Variants in PTPN4 observed in about 807,000 individuals in gnomAD.
PTPN4 encodes protein tyrosine phosphatase non-receptor type 4.
In PTPN4, 49 loss-of-function variants were observed where a neutral mutation model predicts 135.5. That is an observed-to-expected ratio of 0.36 (90% CI 0.29 to 0.46). The LOEUF is 0.46. Among genes scored for constraint, PTPN4 ranks in the 20% least tolerant of loss-of-function variants. PTPN4 has a pLI of 1.00. For synonymous variants in PTPN4, 333 were observed against 369.9 expected (o/e 0.90, Z 1.14); for missense variants, 860 against 1,101.0 (o/e 0.78, Z 3.10).
rs755003772 is a variant in PTPN4 at position 119,932,512 on chromosome 2, A to C, written c.1159A>C (p.Ser387Arg). Residue 387 changes from serine (S) to arginine (R), a missense_variant, in exon 14 of 27, where the codon AGT becomes CGT. Ser to Arg is a moderately radical substitution (Grantham distance 110). Coordinates refer to ENST00000263708, the MANE Select transcript of PTPN4 (RefSeq NM_002830.4). The stretch of plus-strand genomic sequence containing the variant: ...ATCTGATGACAGGTTAGAAACACAA[A>C]GTCTTCCATCACGATCTCCACCGGG... Reference protein sequence around the residue: ...SISDDRLETQSLPSRSPPGTP... With the variant: ...SISDDRLETQRLPSRSPPGTP... The C allele has an allele frequency of 6.2e-7, 1 of 1,612,308 alleles. No individual in the cohort carries two copies.
At chr2:119,958,205 T>C (rs1039323099) in intron 22 of PTPN4, among the ~76,000 whole-genome samples, 2 of 151,576 alleles carry the variant, frequency 1.3e-5, no homozygotes, top group African/African-American at 4.8e-5. Context: ...GTCATGGTGG[T>C]GCATGCCTGT....
chr2:119,833,674 C>T (rs532838140), intron 2 of PTPN4, among the ~76,000 whole-genome samples: 5 of 152,100 alleles, frequency 3.3e-5, no homozygotes, highest in African/African-American at 9.6e-5. Context: ...ATTTTCACCT[C>T]GGACTAATTT....
At chr2:119,942,054 CAATT>C (rs1048998351) in intron 15 of PTPN4, among the ~76,000 whole-genome samples, 1 of 152,136 alleles carries the variant, frequency 6.6e-6, no homozygotes, top group African/African-American at 2.4e-5. Context: ...TTGTTTAACT[CAATT>C]ATTTTTATAA....
chr2:119,777,200 T>G (rs1690851485), intron 1 of PTPN4, among the ~76,000 whole-genome samples: 1 of 152,212 alleles, frequency 6.6e-6, no homozygotes. Flanking sequence ...GTCTTCATGT[T>G]TGTTCTTCCT....
chr2:119,954,175 A>C (rs1679247408), intron 19 of PTPN4, among the ~76,000 whole-genome samples: 1 of 152,122 alleles, frequency 6.6e-6, no homozygotes, highest in African/African-American at 2.4e-5. Context: ...TTCATTTCAG[A>C]AATTTATTTT....
rs555091396 is a variant in PTPN4 at position 119,909,490 on chromosome 2, A to G, written c.765-5689A>G. Among the ~76,000 whole-genome samples, 11 of 152,290 alleles carry G rather than the reference A, an allele frequency of 7.2e-5. No individual in the cohort carries two copies. The South Asian group carries it at 2.3e-3, about 32-fold the overall frequency. ...GAATATTACTGCCCATTGACAATGA[A>G]TGCACCTTGCCACCCATGAGCTCTG... On this transcript the variant is annotated intron_variant, in intron 10 of 26. Coordinates refer to ENST00000263708, the MANE Select transcript of PTPN4 (RefSeq NM_002830.4).
chr2:119,805,881 A>G (rs1226761051), intron 1 of PTPN4, among the ~76,000 whole-genome samples: 2 of 152,104 alleles, frequency 1.3e-5, no homozygotes, highest in Admixed American at 6.6e-5. Flanking sequence ...CAGTATGGCC[A>G]TTTTCACGAT....
At chr2:119,776,463 C>T (rs1002503550) in intron 1 of PTPN4, among the ~76,000 whole-genome samples, 6 of 152,180 alleles carry the variant, frequency 3.9e-5, no homozygotes, top group Admixed American at 6.5e-5. Flanking sequence ...CGTAAGCCAC[C>T]GCACCTGGCC....
chr2:119,852,661 C>G (rs967352597), intron 2 of PTPN4, among the ~76,000 whole-genome samples: 11 of 151,830 alleles, frequency 7.2e-5, no homozygotes, highest in African/African-American at 2.2e-4. Context: ...CTGCTCTTTC[C>G]TGTATTCCCT....
At chr2:119,833,908 G>C (rs926795798) in intron 2 of PTPN4, among the ~76,000 whole-genome samples, 2 of 152,120 alleles carry the variant, frequency 1.3e-5, no homozygotes, top group African/African-American at 4.8e-5. Context: ...CTTTCACTGG[G>C]AAAGACTTAG....
intron 1 of PTPN4, among the ~76,000 whole-genome samples, chr2:119,779,346 G>A (rs1387375954): frequency 1.3e-5 from 2 of 152,154 alleles, no homozygotes; most frequent in African/African-American, 4.8e-5. Flanking sequence ...GGCTGGGCGC[G>A]GTGGCTCACG....
chr2:119,790,118 A>G (rs2104934700), intron 1 of PTPN4, among the ~76,000 whole-genome samples: 1 of 152,168 alleles, frequency 6.6e-6, no homozygotes, highest in Admixed American at 6.6e-5. Flanking sequence ...ATGATTTTTT[A>G]TGGCCCTAAT....
At chr2:119,847,289 C>A (rs986313235) in intron 2 of PTPN4, among the ~76,000 whole-genome samples, 1 of 90,882 alleles carries the variant, frequency 1.1e-5, no homozygotes, top group African/African-American at 4.8e-5. Flanking sequence ...CACACACACA[C>A]ACACACACAC....
chr2:119,767,495 A>G (rs1206902182), intron 1 of PTPN4, among the ~76,000 whole-genome samples: 2 of 152,198 alleles, frequency 1.3e-5, no homozygotes, highest in African/African-American at 2.4e-5. Flanking sequence ...TCGAACCTAG[A>G]TGCCATTCAA....
chr2:119,847,326 A>AT lies in PTPN4; in HGVS notation c.139-15209dup, dbSNP rs1303611735. Among the ~76,000 whole-genome samples, 156 of 111,484 alleles carry AT rather than the reference A, an allele frequency of 1.4e-3. 4 individuals carry two copies. The highest frequency in any genetic ancestry group is 5.9e-3 in the African/African-American group (138 of 23,478). 73.1% of individuals were successfully genotyped at this position (111,484 alleles called of 152,430 possible). A position where few individuals can be genotyped will look rare whatever the true frequency, so the allele number is the denominator to read the frequency against. On this transcript the variant is annotated intron_variant, in intron 2 of 26. Coordinates refer to ENST00000263708, the MANE Select transcript of PTPN4 (RefSeq NM_002830.4). ...CACACACACACACACATATATATATATATTTTTTTTTTTTTTTTGAGACAG... is the reference window on the plus strand; with the variant it reads ...CACACACACACACACATATATATATATTATTTTTTTTTTTTTTTTGAGACAG...
At chr2:119,821,621 C>T (rs2104956239) in intron 2 of PTPN4, among the ~76,000 whole-genome samples, 1 of 152,288 alleles carries the variant, frequency 6.6e-6, no homozygotes, top group East Asian at 1.9e-4. Flanking sequence ...GCACTTGATA[C>T]ATTAAATAGG....
At chr2:119,862,685 C>T (rs1489521067) in intron 3 of PTPN4, 42 bp downstream of exon 3, 4 of 1,522,446 alleles carry the variant, frequency 2.6e-6, no homozygotes, top group Non-Finnish European at 3.6e-6. Flanking sequence ...TTAGTTTTTC[C>T]TCTCAGTTTA....
At chr2:119,859,823 G>C (rs888454461) in intron 2 of PTPN4, among the ~76,000 whole-genome samples, 16 of 152,150 alleles carry the variant, frequency 1.1e-4, no homozygotes, top group African/African-American at 3.9e-4. Context: ...ATGAAACTAG[G>C]CTTCTTATTT....
At chr2:119,766,484 C>CTGTG (rs113673836) in intron 1 of PTPN4, among the ~76,000 whole-genome samples, 122 of 103,912 alleles carry the variant, frequency 1.2e-3, no homozygotes, top group African/African-American at 4.7e-3. Context: ...GTGTGTGTGT[C>CTGTG]TGTGTGTGTG....
Sources: allele counts gnomAD v4.1 joint callset (sites outside exome capture counted in the v4.1 genomes callset), GRCh38; gene constraint gnomAD v4.1.1; transcripts MANE v1.5; gene names NCBI Gene and HGNC (gene_info 2026-07-23, HGNC 2026-07-21).